The following HMGA2 variants were observed in gnomAD, a reference collection of about 807,000 sequenced individuals.
HMGA2 encodes the protein high mobility group protein HMGI-C.
Under a neutral mutation model 19.1 loss-of-function variants are expected in HMGA2, and 8 were observed. That is an observed-to-expected ratio of 0.42 (90% CI 0.25 to 0.76). The LOEUF (loss-of-function observed/expected upper bound fraction) is 0.76, where lower values mean the gene tolerates loss of function less well. Ranked by LOEUF, HMGA2 falls within the 30% of genes least tolerant of loss-of-function variation. The pLI is 0.28. For synonymous variants in HMGA2, 60 were observed against 48.8 expected, an observed-to-expected ratio of 1.23 and a Z score of -0.96; for missense variants, 109 against 136.3, an observed-to-expected ratio of 0.80 and a Z score of 1.00.
chr12:65,938,250 C>T (rs1875963935), intron 3 of HMGA2, among the ~76,000 whole-genome samples: 1 of 152,182 alleles, frequency 6.6e-6, no homozygotes, highest in South Asian at 2.1e-4. Context: ...ATTTCTTGAC[C>T]TACTGAATTT....
At chr12:65,842,057 G>C in intron 3 of HMGA2, 1 of 1,258,250 alleles carries the variant, frequency 7.9e-7, no homozygotes, top group Non-Finnish European at 1.0e-6. Flanking sequence ...GAGGTGGTCT[G>C]ATTTTCATGT....
chr12:65,931,097 G>A (rs1434848055), intron 3 of HMGA2, among the ~76,000 whole-genome samples: 4 of 151,978 alleles, frequency 2.6e-5, no homozygotes, highest in Non-Finnish European at 4.4e-5. Flanking sequence ...GAAGGTAAAA[G>A]ACATCTGTAT....
intron 3 of HMGA2, among the ~76,000 whole-genome samples, chr12:65,945,832 A>T (rs1876245757): frequency 6.6e-6 from 1 of 152,206 alleles, no homozygotes; most frequent in South Asian, 2.1e-4. Flanking sequence ...TAATAGGTCT[A>T]TGTATTTATT....
intron 3 of HMGA2, among the ~76,000 whole-genome samples, chr12:65,869,462 G>C (rs1042420845): frequency 6.6e-6 from 1 of 152,178 alleles, no homozygotes; most frequent in East Asian, 1.9e-4. Flanking sequence ...GAAGTTAGCA[G>C]GGAAAAGTCA....
chr12:65,859,985 C>A (rs532899204), intron 3 of HMGA2: 20 of 440,948 alleles, frequency 4.5e-5, no homozygotes, highest in African/African-American at 3.2e-4. Context: ...CCCAGCTACT[C>A]GGGAGGCTGA....
rs139135030 is a variant in HMGA2 at position 65,912,244 on chromosome 12, A to G, written c.250-39139A>G. ...AAGCTAATCAAATTTTTTATGTTAA[A>G]GTGAACTTGATATATTTTTATATTC... On this transcript the variant is annotated intron_variant, in intron 3 of 4. Coordinates refer to ENST00000403681, the MANE Select transcript of HMGA2 (RefSeq NM_003483.6). 3.3e-3 allele frequency among the ~76,000 whole-genome samples: 501 copies of G among 152,332 alleles called. 3 individuals carry two copies. The highest frequency in any genetic ancestry group is 0.011 in the African/African-American group (469 of 41,578).
chr12:65,946,805 G>T (rs1158892516), intron 3 of HMGA2, among the ~76,000 whole-genome samples: 1 of 152,128 alleles, frequency 6.6e-6, no homozygotes, highest in Non-Finnish European at 1.5e-5. Flanking sequence ...ATACTCTGTG[G>T]ATTTTAAAAA....
At chr12:65,912,840 C>G (rs1479152742) in intron 3 of HMGA2, among the ~76,000 whole-genome samples, 2 of 152,046 alleles carry the variant, frequency 1.3e-5, no homozygotes, top group Non-Finnish European at 2.9e-5. Context: ...GATGATCATG[C>G]CAAATGGGGC....
At chr12:65,949,452 G>GC (rs1876381621) in intron 3 of HMGA2, among the ~76,000 whole-genome samples, 1 of 152,258 alleles carries the variant, frequency 6.6e-6, no homozygotes, top group South Asian at 2.1e-4. Context: ...GTGCAAGAAA[G>GC]CATGTCGCTA....
intron 3 of HMGA2, among the ~76,000 whole-genome samples, chr12:65,888,930 GCA>G (rs1383161583): frequency 6.6e-6 from 1 of 151,990 alleles, no homozygotes; most frequent in Non-Finnish European, 1.5e-5. Flanking sequence ...CGTTAGAGAT[GCA>G]CCATGCTCAG....
Position 65,917,340 on chromosome 12 carries a change from A to G in HMGA2, c.250-34043A>G, listed in dbSNP as rs368033808. Among the ~76,000 whole-genome samples, 5 of 152,334 alleles carry G rather than the reference A, an allele frequency of 3.3e-5. No individual in the cohort carries two copies. In the East Asian group the frequency reaches 5.8e-4, roughly 18 times the overall value. ...GGGATTGCCGCTAAGAAGTTAAGTA[A>G]GAAGCCATGGTGTTTGACAGCTTCC... On this transcript the variant is annotated intron_variant, in intron 3 of 4. Coordinates refer to ENST00000403681, the MANE Select transcript of HMGA2 (RefSeq NM_003483.6).
rs772055044 is a variant in HMGA2 at position 65,964,288 on chromosome 12, CAAA to C, written c.*1006_*1008del. ...TATAGTTATACATCAATTTAAAAAG[CAAA>C]AAAAAAAAAGGGGGGGGCAATCTCT... On this transcript the variant is annotated 3_prime_UTR_variant, in exon 5 of 5. Transcript: ENST00000403681. 1.1e-4 allele frequency: 18 copies of C among 156,526 alleles called. No homozygotes were observed. Among genetic ancestry groups the C allele is most frequent in the East Asian group, 1.9e-4 (2 of 10,606 alleles). 9.7% of individuals were successfully genotyped at this position (156,526 alleles called of 1,614,324 possible). A position where few individuals can be genotyped will look rare whatever the true frequency, so the allele number is the denominator to read the frequency against.
rs74097809 is a variant in HMGA2 at position 65,845,793 on chromosome 12, C to G, written c.249+7224C>G. Among the ~76,000 whole-genome samples the G allele has an allele frequency of 7.6e-3, 1,153 of 152,336 alleles. 15 individuals carry two copies. The highest frequency in any genetic ancestry group is 0.027 in the African/African-American group (1,103 of 41,576). On this transcript the variant is annotated intron_variant, in intron 3 of 4. Coordinates refer to ENST00000403681, the MANE Select transcript of HMGA2 (RefSeq NM_003483.6). Reference sequence around the variant, plus strand: ...TGTCTAAGTGCCTGACAGGAACATTCTGTCCATAACTAATGGCTGTCAAGC... The same window carrying G: ...TGTCTAAGTGCCTGACAGGAACATTGTGTCCATAACTAATGGCTGTCAAGC...
chr12:65,866,041 C>T (rs767758645), intron 3 of HMGA2, among the ~76,000 whole-genome samples: 24 of 152,210 alleles, frequency 1.6e-4, no homozygotes, highest in Non-Finnish European at 2.9e-4. Flanking sequence ...AAGTGTATAA[C>T]TATAATTCCT....
At chr12:65,876,725 C>T (rs1049507036) in intron 3 of HMGA2, 3 of 152,156 alleles carry the variant, frequency 2.0e-5, no homozygotes, top group African/African-American at 7.2e-5. Flanking sequence ...ATTTATAAAC[C>T]TTTCAAATTA....
At chr12:65,912,250 C>G (rs1382791628) in intron 3 of HMGA2, among the ~76,000 whole-genome samples, 2 of 152,034 alleles carry the variant, frequency 1.3e-5, no homozygotes, top group Non-Finnish European at 2.9e-5. Context: ...TTAAAGTGAA[C>G]TTGATATATT....
intron 3 of HMGA2, among the ~76,000 whole-genome samples, chr12:65,872,723 G>A (rs570029171): frequency 4.6e-5 from 7 of 152,120 alleles, no homozygotes; most frequent in South Asian, 4.2e-4. Flanking sequence ...TTTTCCTGCC[G>A]CCTCTACTTT....
At chr12:65,838,681 T>C (rs898335335) in intron 3 of HMGA2, 112 bp downstream of exon 3, 1 of 775,838 alleles carries the variant, frequency 1.3e-6, no homozygotes. Flanking sequence ...TCTGGTTTGA[T>C]GAATCTTTGA....
intron 4 of HMGA2, chr12:65,956,087 T>C (rs1431691892): frequency 1.3e-5 from 2 of 152,228 alleles, no homozygotes; most frequent in Admixed American, 6.5e-5. Context: ...GTCTTTTACA[T>C]GGTACCTTGG....
Sources: gnomAD v4.1 joint callset for allele counts (sites outside exome capture counted in the v4.1 genomes callset) on GRCh38, gnomAD v4.1.1 for gene constraint, MANE v1.5 for transcripts, NCBI Gene and HGNC (gene_info 2026-07-23, HGNC 2026-07-21) for gene names.